Variants in BACH2 observed in about 807,000 individuals in gnomAD.
The protein encoded by BACH2 is BACH transcriptional regulator 2, also known as transcription regulator protein BACH2.
Under a neutral mutation model 61.8 loss-of-function variants are expected in BACH2, and 5 were observed. The observed-to-expected ratio is 0.08, with a 90% CI of 0.04 to 0.17. The LOEUF (loss-of-function observed/expected upper bound fraction) is 0.17. Among genes scored for constraint, BACH2 ranks in the 10% least tolerant of loss-of-function variants. BACH2 has a pLI of 1.00. For missense variants in BACH2, 824 were observed against 1,091.1 expected (o/e 0.76, Z 3.45); for synonymous variants, 446 against 440.1 (o/e 1.01, Z -0.17).
At chr6:90,142,453 T>C (rs1411196377) in intron 4 of BACH2, among the ~76,000 whole-genome samples, 1 of 152,252 alleles carries the variant, frequency 6.6e-6, no homozygotes, top group South Asian at 2.1e-4. Flanking sequence ...ACAGCAATTC[T>C]ATCAAGTGAC....
chr6:90,273,310 A>G (rs1167282672), intron 1 of BACH2, among the ~76,000 whole-genome samples: 3 of 152,144 alleles, frequency 2.0e-5, no homozygotes, highest in Non-Finnish European at 4.4e-5. Flanking sequence ...ATGAGCTACG[A>G]TCATACCACT....
chr6:90,141,482 C>G (rs1183386035), intron 4 of BACH2, among the ~76,000 whole-genome samples: 1 of 149,222 alleles, frequency 6.7e-6, no homozygotes, highest in Non-Finnish European at 1.5e-5. Context: ...TACCCCGCCC[C>G]GATCCCGTTT....
intron 3 of BACH2, among the ~76,000 whole-genome samples, chr6:90,225,655 G>A (rs2127858013): frequency 6.6e-6 from 1 of 152,228 alleles, no homozygotes; most frequent in African/African-American, 2.4e-5. Context: ...AATAGCTAAT[G>A]CATTTGGGAC....
intron 4 of BACH2, among the ~76,000 whole-genome samples, chr6:90,188,215 A>T (rs1420556787): frequency 6.6e-6 from 1 of 152,232 alleles, no homozygotes; most frequent in South Asian, 2.1e-4. Flanking sequence ...TAAAATGTAA[A>T]GTTTAATTAT....
chr6:90,169,340 A>C (rs1767734947), intron 4 of BACH2, among the ~76,000 whole-genome samples: 2 of 152,176 alleles, frequency 1.3e-5, no homozygotes, highest in South Asian at 4.1e-4. Context: ...CATAAACAAC[A>C]GTAAAAATGG....
intron 1 of BACH2, among the ~76,000 whole-genome samples, chr6:90,272,684 C>T (rs1007555103): frequency 6.6e-6 from 1 of 152,208 alleles, no homozygotes; most frequent in African/African-American, 2.4e-5. Flanking sequence ...CTCATTCCCT[C>T]TTCTTCAATT....
intron 5 of BACH2, among the ~76,000 whole-genome samples, chr6:90,014,420 TTGTGTGTG>T (rs764203742): frequency 5.2e-5 from 4 of 76,832 alleles, no homozygotes; most frequent in East Asian, 3.0e-4. Context: ...TGGCATAAAA[TTGTGTGTG>T]TGTGTGTGTG....
At chr6:90,287,878 T>C (rs962934745) in intron 1 of BACH2, among the ~76,000 whole-genome samples, 1 of 152,216 alleles carries the variant, frequency 6.6e-6, no homozygotes, top group African/African-American at 2.4e-5. Context: ...TCATAAAATC[T>C]TTCTCTGAGA....
At chr6:90,188,305 A>C (rs1768432097) in intron 4 of BACH2, among the ~76,000 whole-genome samples, 1 of 152,232 alleles carries the variant, frequency 6.6e-6, no homozygotes, top group Non-Finnish European at 1.5e-5. Flanking sequence ...CAGTAGACAC[A>C]CCATGAATTT....
At chr6:90,174,210 C>T (rs983390941) in intron 4 of BACH2, among the ~76,000 whole-genome samples, 15 of 151,730 alleles carry the variant, frequency 9.9e-5, no homozygotes. Flanking sequence ...CTAATAATTT[C>T]CAAAGAAAAA....
At chr6:90,042,532 T>C (rs978312450) in intron 5 of BACH2, among the ~76,000 whole-genome samples, 1 of 152,092 alleles carries the variant, frequency 6.6e-6, no homozygotes, top group African/African-American at 2.4e-5. Context: ...TCATGGTGTA[T>C]TGACCAGGTG....
intron 4 of BACH2, among the ~76,000 whole-genome samples, chr6:90,095,693 G>C (rs1231176910): frequency 6.6e-6 from 1 of 152,032 alleles, no homozygotes; most frequent in Non-Finnish European, 1.5e-5. Flanking sequence ...AATAATTCTT[G>C]GATTTCTGCA....
rs139072035 is a variant in BACH2, at chr6:89,973,086, A to G, written c.244-21224T>C. On this transcript the variant is annotated intron_variant, in intron 6 of 8. Coordinates refer to ENST00000257749, the MANE Select transcript of BACH2 (RefSeq NM_021813.4). Reference sequence around the variant, plus strand: ...GCCTGGGCAACAAGAGCGAAATTCCATTTCAAAACAACAACAACAACAAAA... The same window carrying G: ...GCCTGGGCAACAAGAGCGAAATTCCGTTTCAAAACAACAACAACAACAAAA... Among the ~76,000 whole-genome samples the G allele has an allele frequency of 5.3e-5, 8 of 152,164 alleles. No individual in the cohort carries two copies. The East Asian group carries it at 1.6e-3, about 30-fold the overall frequency.
intron 3 of BACH2, among the ~76,000 whole-genome samples, chr6:90,219,106 C>T (rs551030601): frequency 1.3e-5 from 2 of 152,244 alleles, no homozygotes; most frequent in East Asian, 3.9e-4. Context: ...ACAAAATTAT[C>T]CTTCTCCCCA....
intron 6 of BACH2, among the ~76,000 whole-genome samples, chr6:89,959,105 A>G (rs1206999859): frequency 5.9e-5 from 2 of 33,758 alleles, no homozygotes; most frequent in Non-Finnish European, 7.1e-5. Context: ...GTGCACACAC[A>G]CACACACACA....
chr6:90,235,747 C>A (rs1384921423), intron 3 of BACH2, among the ~76,000 whole-genome samples: 1 of 152,160 alleles, frequency 6.6e-6, no homozygotes, highest in Non-Finnish European at 1.5e-5. Context: ...CCCTTAGAGA[C>A]AATTAGAAAG....
chr6:90,097,258 T>C (rs1284794363), intron 4 of BACH2, among the ~76,000 whole-genome samples: 1 of 117,242 alleles, frequency 8.5e-6, no homozygotes, highest in African/African-American at 3.7e-5. Context: ...AGAATTTTCA[T>C]AGTGTTCTAT....
At chr6:90,047,556 AG>A (rs1779846352) in intron 5 of BACH2, among the ~76,000 whole-genome samples, 1 of 152,182 alleles carries the variant, frequency 6.6e-6, no homozygotes, top group Non-Finnish European at 1.5e-5. Flanking sequence ...CTACTCATAC[AG>A]TATCCTTGAT....
intron 5 of BACH2, among the ~76,000 whole-genome samples, chr6:90,015,387 CTTTT>C (rs1313938577): frequency 6.6e-6 from 1 of 152,024 alleles, no homozygotes; most frequent in African/African-American, 2.4e-5. Context: ...AATCTGAGAT[CTTTT>C]TTGTCTTTTC....
Sources: allele counts gnomAD v4.1 joint callset (sites outside exome capture counted in the v4.1 genomes callset), GRCh38; gene constraint gnomAD v4.1.1; transcripts MANE v1.5; gene names NCBI Gene and HGNC (gene_info 2026-07-23, HGNC 2026-07-21).